The following RASAL2 variants were observed in gnomAD, a reference collection of about 807,000 sequenced individuals.
RASAL2 encodes the protein ras GTPase-activating protein nGAP.
RASAL2 carries 58 observed loss-of-function variants against 128.9 expected under a neutral mutation model. The ratio of observed to expected loss-of-function variants is 0.45; its 90% CI spans 0.36 to 0.56. The LOEUF is 0.56. RASAL2 is among the 20% of genes least tolerant of loss of function. The pLI, the probability that RASAL2 is intolerant of heterozygous loss-of-function variation, is 0.00. For synonymous variants in RASAL2, 561 were observed against 580.8 expected, an observed-to-expected ratio of 0.97 and a Z score of 0.49; for missense variants, 1,360 against 1,601.6, an observed-to-expected ratio of 0.85 and a Z score of 2.57.
At chr1:178,181,152 A>T (rs1662094272) in intron 1 of RASAL2, among the ~76,000 whole-genome samples, 1 of 151,990 alleles carries the variant, frequency 6.6e-6, no homozygotes, top group South Asian at 2.1e-4. Context: ...TGTGTTACTA[A>T]CGTTTTTATG....
chr1:178,460,346 G>C (rs759426978), intron 14 of RASAL2, among the ~76,000 whole-genome samples: 1 of 151,894 alleles, frequency 6.6e-6, no homozygotes, highest in Admixed American at 6.6e-5. Flanking sequence ...GTATCATGGA[G>C]GGCCTATGAC....
chr1:178,419,791 G>A (rs1213993109), intron 4 of RASAL2, among the ~76,000 whole-genome samples: 1 of 152,174 alleles, frequency 6.6e-6, no homozygotes, highest in African/African-American at 2.4e-5. Context: ...CTGGCAGGAG[G>A]CAGGCAGGGG....
intron 1 of RASAL2, among the ~76,000 whole-genome samples, chr1:178,234,490 A>C (rs936947435): frequency 6.6e-6 from 1 of 152,224 alleles, no homozygotes; most frequent in African/African-American, 2.4e-5. Flanking sequence ...AGAATTGTCA[A>C]ATTTTTAAAA....
At chr1:178,233,400 C>G (rs1156803455) in intron 1 of RASAL2, among the ~76,000 whole-genome samples, 1 of 152,100 alleles carries the variant, frequency 6.6e-6, no homozygotes, top group Non-Finnish European at 1.5e-5. Flanking sequence ...AAAGAGTTAT[C>G]CATGGTGTGG....
intron 14 of RASAL2, among the ~76,000 whole-genome samples, chr1:178,459,435 T>G (rs926347408): frequency 1.3e-5 from 2 of 152,178 alleles, no homozygotes; most frequent in Non-Finnish European, 2.9e-5. Flanking sequence ...TAGTTGAATT[T>G]TTTTTGAAAC....
chr1:178,371,353 A>C (rs57781057), intron 3 of RASAL2, among the ~76,000 whole-genome samples: 15,047 of 108,242 alleles, frequency 0.14, 893 homozygotes, highest in African/African-American at 0.31. Context: ...CACACACACA[A>C]ATACACACAC....
At chr1:178,400,670 A>G (rs150251801) in intron 4 of RASAL2, among the ~76,000 whole-genome samples, 56 of 152,362 alleles carry the variant, frequency 3.7e-4, no homozygotes, top group African/African-American at 1.2e-3. Flanking sequence ...TTACAGTCAT[A>G]TATCAGAAAA....
chr1:178,286,242 A>G (rs955413477), intron 2 of RASAL2, among the ~76,000 whole-genome samples: 2 of 152,088 alleles, frequency 1.3e-5, no homozygotes, highest in Non-Finnish European at 2.9e-5. Context: ...TTAGTCTTAC[A>G]AGAACTGAGA....
intron 1 of RASAL2, among the ~76,000 whole-genome samples, chr1:178,267,622 C>CTT (rs1282624626): frequency 0.07 from 8,464 of 120,422 alleles, 360 homozygotes; most frequent in South Asian, 0.083. Flanking sequence ...GATCTAGTGT[C>CTT]TTTTTTTTTT....
chr1:178,296,686 T>G (rs75036584), intron 2 of RASAL2, among the ~76,000 whole-genome samples: 2 of 150,584 alleles, frequency 1.3e-5, no homozygotes, highest in African/African-American at 4.9e-5. Flanking sequence ...TTTTTTTTTT[T>G]TTTGAGACAG....
At chr1:178,454,073 A>G (rs1369399435) in intron 11 of RASAL2, among the ~76,000 whole-genome samples, 1 of 151,986 alleles carries the variant, frequency 6.6e-6, no homozygotes, top group African/African-American at 2.4e-5. Flanking sequence ...AAGCTTGGAG[A>G]AGAAAAAAAT....
intron 1 of RASAL2, among the ~76,000 whole-genome samples, chr1:178,253,303 T>C (rs1248738614): frequency 6.6e-6 from 1 of 152,198 alleles, no homozygotes; most frequent in African/African-American, 2.4e-5. Context: ...TACTCCAATA[T>C]GACTTTACCT....
chr1:178,320,514 G>A (rs1246715779), intron 3 of RASAL2, among the ~76,000 whole-genome samples: 1 of 151,992 alleles, frequency 6.6e-6, no homozygotes, highest in Admixed American at 6.6e-5. Context: ...TTTTTAAGCC[G>A]GTCTGAAAAG....
At chr1:178,266,148 C>T (rs934214973) in intron 1 of RASAL2, among the ~76,000 whole-genome samples, 4 of 152,108 alleles carry the variant, frequency 2.6e-5, no homozygotes, top group East Asian at 3.8e-4. Flanking sequence ...GATATGTATA[C>T]GTTCGGTTTT....
chr1:178,271,663 TA>T (rs1261309862), intron 1 of RASAL2, among the ~76,000 whole-genome samples: 1 of 152,228 alleles, frequency 6.6e-6, no homozygotes, highest in Non-Finnish European at 1.5e-5. Flanking sequence ...TCAGAATTCC[TA>T]ATCTCAGTAA....
At chr1:178,219,895 G>A (rs899333764) in intron 1 of RASAL2, among the ~76,000 whole-genome samples, 5 of 152,064 alleles carry the variant, frequency 3.3e-5, no homozygotes, top group Non-Finnish European at 7.4e-5. Context: ...AATGTTGGAG[G>A]TGAGGCCTAG....
At chr1:178,105,913 C>T (rs567532567) in intron 1 of RASAL2, among the ~76,000 whole-genome samples, 37 of 152,122 alleles carry the variant, frequency 2.4e-4, no homozygotes, top group Non-Finnish European at 3.8e-4. Context: ...TAAGCTCAAG[C>T]AATCCTCTTG....
chr1:178,332,538 G>A (rs534448937), intron 3 of RASAL2, among the ~76,000 whole-genome samples: 1 of 151,832 alleles, frequency 6.6e-6, no homozygotes, highest in South Asian at 2.1e-4. Context: ...TCAATGTTGT[G>A]GCCTGACACT....
intron 1 of RASAL2, among the ~76,000 whole-genome samples, chr1:178,258,293 CAAAA>C (rs993642772): frequency 7.2e-5 from 5 of 69,398 alleles, no homozygotes; most frequent in Non-Finnish European, 1.2e-4. Flanking sequence ...GACTGCATCT[CAAAA>C]AAAAAAAAAA....
Sources: gnomAD v4.1 joint callset for allele counts (sites outside exome capture counted in the v4.1 genomes callset) on GRCh38, gnomAD v4.1.1 for gene constraint, MANE v1.5 for transcripts, NCBI Gene and HGNC (gene_info 2026-07-23, HGNC 2026-07-21) for gene names.